The following CSMD1 variants were observed in gnomAD, a reference collection of about 807,000 sequenced individuals.
The protein encoded by CSMD1 is CUB and Sushi multiple domains 1.
A neutral mutation model predicts 417.5 loss-of-function variants in CSMD1; 213 were observed. The observed-to-expected ratio is 0.51, with a 90% confidence interval of 0.46 to 0.57. CSMD1 has a LOEUF of 0.57. CSMD1 is among the 20% of genes least tolerant of loss of function. The probability of loss-of-function intolerance (pLI) is 0.00; values close to 1 mark genes in which losing one functional copy is unlikely to be tolerated. For missense variants in CSMD1, 6,923 were observed against 4,529.7 expected, an observed-to-expected ratio of 1.53 and a Z score of -15.17; for synonymous variants, 2,862 against 1,736.8, an observed-to-expected ratio of 1.65 and a Z score of -16.11.
At chr8:3,288,256 A>G (rs568951681) in intron 25 of CSMD1, among the ~76,000 whole-genome samples, 2 of 147,050 alleles carry the variant, frequency 1.4e-5, no homozygotes, top group Non-Finnish European at 2.9e-5. Flanking sequence ...ATATTGGTCT[A>G]AAGTTCTCTT....
At chr8:4,161,139 G>A (rs1271587858) in intron 3 of CSMD1, among the ~76,000 whole-genome samples, 3 of 151,136 alleles carry the variant, frequency 2.0e-5, no homozygotes, top group East Asian at 3.9e-4. Flanking sequence ...AAAAAGTCAT[G>A]TCTTAAGACA....
intron 5 of CSMD1, among the ~76,000 whole-genome samples, chr8:3,944,138 G>A (rs181163448): frequency 8.5e-5 from 13 of 152,216 alleles, no homozygotes; most frequent in East Asian, 5.8e-4. Context: ...GAATCTTAGT[G>A]AAGGCTACAC....
intron 3 of CSMD1, among the ~76,000 whole-genome samples, chr8:4,374,460 G>C (rs750823812): frequency 3.3e-5 from 5 of 152,102 alleles, no homozygotes; most frequent in Non-Finnish European, 7.4e-5. Context: ...CTGTCCTACG[G>C]AGTGAAAGGA....
chr8:4,134,577 A>C (rs951817334), intron 3 of CSMD1, among the ~76,000 whole-genome samples: 6 of 152,190 alleles, frequency 3.9e-5, no homozygotes, highest in African/African-American at 1.4e-4. Context: ...GGCAGCCCTA[A>C]GGAATGCATA....
At chr8:4,573,663 T>G (rs1459409949) in intron 2 of CSMD1, among the ~76,000 whole-genome samples, 3 of 152,116 alleles carry the variant, frequency 2.0e-5, no homozygotes, top group South Asian at 2.1e-4. Flanking sequence ...GTAGGAGATC[T>G]GCTGCTGTCT....
At chr8:3,829,969 C>G (rs1449833210) in intron 5 of CSMD1, among the ~76,000 whole-genome samples, 1 of 152,068 alleles carries the variant, frequency 6.6e-6, no homozygotes, top group Non-Finnish European at 1.5e-5. Context: ...AAATTTTGCT[C>G]ATATGTTTTT....
At chr8:4,265,367 T>TATCTAAACGCAGTAAGTA (rs1338894049) in intron 3 of CSMD1, among the ~76,000 whole-genome samples, 2,230 of 109,726 alleles carry the variant, frequency 0.02, 718 homozygotes, top group Middle Eastern at 0.043. Context: ...CACAGTATCA[T>TATCTAAACGCAGTAAGTA]TTGACATGTT....
intron 2 of CSMD1, among the ~76,000 whole-genome samples, chr8:4,629,097 T>C (rs1480401746): frequency 6.6e-6 from 1 of 152,182 alleles, no homozygotes; most frequent in East Asian, 1.9e-4. Context: ...TTAGACATGT[T>C]TGAATTTTCA....
chr8:3,301,001 T>C (rs1249431629), intron 25 of CSMD1, among the ~76,000 whole-genome samples: 1 of 121,402 alleles, frequency 8.2e-6, no homozygotes, highest in East Asian at 2.3e-4. Flanking sequence ...AAATTAGAAA[T>C]GGTATAAACA....
At chr8:4,246,437 A>C (rs1209746625) in intron 3 of CSMD1, among the ~76,000 whole-genome samples, 4 of 152,108 alleles carry the variant, frequency 2.6e-5, no homozygotes, top group Non-Finnish European at 5.9e-5. Flanking sequence ...AGGGCACTCC[A>C]TTTTCTTCGT....
At chr8:4,288,610 T>G (rs547326499) in intron 3 of CSMD1, among the ~76,000 whole-genome samples, 2 of 152,302 alleles carry the variant, frequency 1.3e-5, no homozygotes, top group South Asian at 2.1e-4. Flanking sequence ...TTCCTGCCAC[T>G]GGGTTCAAGG....
chr8:3,275,492 G>T (rs1563214193), intron 26 of CSMD1, among the ~76,000 whole-genome samples: 2 of 152,152 alleles, frequency 1.3e-5, no homozygotes, highest in Non-Finnish European at 2.9e-5. Flanking sequence ...CTAGATTGGG[G>T]AAGTTCTCCT....
At chr8:3,947,113 G>A (rs976564020) in intron 5 of CSMD1, among the ~76,000 whole-genome samples, 2 of 152,232 alleles carry the variant, frequency 1.3e-5, no homozygotes, top group Non-Finnish European at 1.5e-5. Context: ...CTGATTTTAT[G>A]AGGAATTGAT....
At chr8:4,156,728 G>C (rs905863101) in intron 3 of CSMD1, among the ~76,000 whole-genome samples, 3 of 152,082 alleles carry the variant, frequency 2.0e-5, no homozygotes, top group Non-Finnish European at 4.4e-5. Context: ...TTTGCAGTGG[G>C]GCCAGTGACA....
intron 11 of CSMD1, 141 bp downstream of exon 11, chr8:3,493,482 T>C (rs189708427): frequency 3.8e-5 from 23 of 603,570 alleles, no homozygotes; most frequent in Admixed American, 2.4e-4. Flanking sequence ...CAAAATGAGA[T>C]TGCAGGCCAC....
At chr8:3,266,892 C>A (rs1801474741) in intron 26 of CSMD1, among the ~76,000 whole-genome samples, 1 of 151,858 alleles carries the variant, frequency 6.6e-6, no homozygotes, top group South Asian at 2.1e-4. Flanking sequence ...AAACACAAAA[C>A]CAGCTGGGTT....
intron 3 of CSMD1, among the ~76,000 whole-genome samples, chr8:4,376,482 C>A (rs1461626055): frequency 2.0e-5 from 3 of 152,130 alleles, no homozygotes; most frequent in Non-Finnish European, 4.4e-5. Flanking sequence ...AAGAAAACCT[C>A]CATTTTTATA....
chr8:2,956,854 A>G (rs1406373867), intron 63 of CSMD1, among the ~76,000 whole-genome samples: 1 of 152,156 alleles, frequency 6.6e-6, no homozygotes, highest in Non-Finnish European at 1.5e-5. Flanking sequence ...ATCAAGCTCC[A>G]TATTATATAT....
At chr8:4,169,717 C>T (rs918474199) in intron 3 of CSMD1, among the ~76,000 whole-genome samples, 3 of 152,238 alleles carry the variant, frequency 2.0e-5, no homozygotes, top group African/African-American at 4.8e-5. Context: ...TTGCTCCCTA[C>T]CCCATTCTCA....
Sources: allele counts gnomAD v4.1 joint callset (sites outside exome capture counted in the v4.1 genomes callset), GRCh38; gene constraint gnomAD v4.1.1; transcripts MANE v1.5; gene names NCBI Gene and HGNC (gene_info 2026-07-23, HGNC 2026-07-21).